MEI4: variants seen among roughly 807,000 people sequenced by gnomAD.
The protein encoded by MEI4 is meiosis-specific protein MEI4.
Under a neutral mutation model 31.4 loss-of-function variants are expected in MEI4, and 27 were observed. The ratio of observed to expected loss-of-function variants is 0.86; its 90% CI spans 0.63 to 1.19. The LOEUF (loss-of-function observed/expected upper bound fraction) is 1.19, where lower values mean the gene tolerates loss of function less well. Ranked by LOEUF, MEI4 falls within the 50% of genes most tolerant of loss-of-function variation. MEI4 has a pLI of 0.00. For missense variants in MEI4, 329 were observed against 398.9 expected (o/e 0.82, Z 1.49); for synonymous variants, 122 against 145.4 (o/e 0.84, Z 1.16).
intron 2 of MEI4, among the ~76,000 whole-genome samples, chr6:77,757,237 C>A (rs1347414688): frequency 6.6e-6 from 1 of 152,114 alleles, no homozygotes; most frequent in Non-Finnish European, 1.5e-5. Context: ...ATATAAGGTT[C>A]TTTTATTCAG....
At chr6:77,802,341 C>T (rs935035769) in intron 3 of MEI4, among the ~76,000 whole-genome samples, 1 of 152,100 alleles carries the variant, frequency 6.6e-6, no homozygotes, top group African/African-American at 2.4e-5. Flanking sequence ...TCCTCCATCC[C>T]TTTATTTTGA....
At chr6:77,709,034 TATC>T (rs1337683277) in intron 2 of MEI4, among the ~76,000 whole-genome samples, 4 of 152,232 alleles carry the variant, frequency 2.6e-5, no homozygotes, top group African/African-American at 7.2e-5. Context: ...TGAGGAAAGA[TATC>T]ATACCTTTTC....
chr6:77,909,220 C>T (rs578089510), intron 4 of MEI4, among the ~76,000 whole-genome samples: 1 of 151,886 alleles, frequency 6.6e-6, no homozygotes, highest in South Asian at 2.1e-4. Flanking sequence ...CGCTCAACTA[C>T]ATGGATAGAG....
intron 2 of MEI4, among the ~76,000 whole-genome samples, chr6:77,726,919 A>T (rs1467365770): frequency 7.1e-6 from 1 of 140,668 alleles, no homozygotes; most frequent in African/African-American, 2.9e-5. Context: ...GGTGCTTTAA[A>T]TAAATAACGT....
chr6:77,651,419 T>C (rs1185229860), upstream of MEI4, among the ~76,000 whole-genome samples: 2 of 152,168 alleles, frequency 1.3e-5, no homozygotes, highest in East Asian at 1.9e-4. Context: ...TCAGGAACCA[T>C]AGATAAGGCA....
chr6:77,864,427 A>C (rs946999024), intron 4 of MEI4, among the ~76,000 whole-genome samples: 18 of 152,306 alleles, frequency 1.2e-4, no homozygotes, highest in South Asian at 2.1e-4. Flanking sequence ...CAGGGGTTGC[A>C]ATCCTAGTCT....
intron 2 of MEI4, among the ~76,000 whole-genome samples, chr6:77,696,171 CA>C (rs1562209493): frequency 6.6e-6 from 1 of 152,110 alleles, no homozygotes; most frequent in Non-Finnish European, 1.5e-5. Context: ...TGGACTGAGA[CA>C]ATGGGGTTTT....
At chr6:77,874,600 C>G (rs1771284075) in intron 4 of MEI4, among the ~76,000 whole-genome samples, 1 of 152,016 alleles carries the variant, frequency 6.6e-6, no homozygotes, top group Non-Finnish European at 1.5e-5. Flanking sequence ...CCTTTATTTC[C>G]TTCTCCTGCC....
intron 3 of MEI4, among the ~76,000 whole-genome samples, chr6:77,764,425 G>T (rs1399341842): frequency 6.6e-6 from 1 of 151,686 alleles, no homozygotes; most frequent in Non-Finnish European, 1.5e-5. Context: ...TTTTTAAACT[G>T]TTTCGTTGTT....
intron 1 of MEI4, among the ~76,000 whole-genome samples, chr6:77,680,980 G>GA (rs1000381278): frequency 2.1e-4 from 32 of 151,808 alleles, no homozygotes; most frequent in Middle Eastern, 3.2e-3. Flanking sequence ...ATAGAAGTTA[G>GA]AAAAAAAATC....
At chr6:77,835,398 ACAC>A (rs1770191954) in intron 4 of MEI4, among the ~76,000 whole-genome samples, 1 of 133,934 alleles carries the variant, frequency 7.5e-6, no homozygotes, top group Admixed American at 7.3e-5. Flanking sequence ...ACACACACAC[ACAC>A]ACAAATAAAA....
intron 1 of MEI4, among the ~76,000 whole-genome samples, chr6:77,682,368 A>G (rs1198515050): frequency 1.3e-5 from 2 of 152,172 alleles, no homozygotes; most frequent in African/African-American, 2.4e-5. Flanking sequence ...ACTGTATGCG[A>G]ATTAGATTTT....
chr6:77,868,814 C>A (rs1771126867), intron 4 of MEI4, among the ~76,000 whole-genome samples: 1 of 151,896 alleles, frequency 6.6e-6, no homozygotes, highest in Non-Finnish European at 1.5e-5. Flanking sequence ...ATTAATTCAC[C>A]TTTACTCGTG....
intron 4 of MEI4, among the ~76,000 whole-genome samples, chr6:77,843,157 A>G (rs1262272068): frequency 1.3e-5 from 2 of 151,622 alleles, no homozygotes; most frequent in African/African-American, 4.8e-5. Flanking sequence ...GTTAGTTTTA[A>G]TCAAGAAGCA....
rs113423135 is a variant in MEI4 at position 77,868,888 on chromosome 6, A to C, written c.900+39826A>C. ...CAAGTGCAGCACAGCCTGGTCACTG[A>C]AGTAGAAAAGAAGAGATTGGTAACT... is the stretch of plus-strand genomic sequence containing the variant. On this transcript the variant is annotated intron_variant, in intron 4 of 4. Coordinates refer to ENST00000684080, the MANE Select transcript of MEI4 (RefSeq NM_001322247.2). Among the ~76,000 whole-genome samples, 186 of 152,084 alleles carry C rather than the reference A, an allele frequency of 1.2e-3. 1 individual carries two copies. The highest frequency in any genetic ancestry group is 2.1e-3 in the Non-Finnish European group (144 of 67,980).
intron 1 of MEI4, among the ~76,000 whole-genome samples, chr6:77,682,045 A>G (rs1314800844): frequency 6.6e-6 from 1 of 152,242 alleles, no homozygotes; most frequent in African/African-American, 2.4e-5. Context: ...CAAAAATTAC[A>G]TGTTAGACCT....
At chr6:77,907,941 T>C (rs1279186136) in intron 4 of MEI4, among the ~76,000 whole-genome samples, 1 of 152,084 alleles carries the variant, frequency 6.6e-6, no homozygotes, top group African/African-American at 2.4e-5. Context: ...GCTGCATAAA[T>C]GTCTTCTTTT....
chr6:77,790,340 C>T (rs1768885860), intron 3 of MEI4, among the ~76,000 whole-genome samples: 1 of 151,718 alleles, frequency 6.6e-6, no homozygotes, highest in Non-Finnish European at 1.5e-5. Context: ...CAACATGGCA[C>T]ATGTATACAT....
intron 2 of MEI4, among the ~76,000 whole-genome samples, chr6:77,747,121 G>C (rs1000202386): frequency 1.9e-4 from 29 of 150,278 alleles, no homozygotes; most frequent in Non-Finnish European, 3.7e-4. Flanking sequence ...AGACCAGCCT[G>C]ACTAACATGG....
Sources: allele counts gnomAD v4.1 joint callset (sites outside exome capture counted in the v4.1 genomes callset), GRCh38; gene constraint gnomAD v4.1.1; transcripts MANE v1.5; gene names NCBI Gene and HGNC (gene_info 2026-07-23, HGNC 2026-07-21).